CLVS1: variants seen among roughly 807,000 people sequenced by gnomAD.
The protein encoded by CLVS1 is clavesin 1, also known as clavesin-1.
In CLVS1, 10 loss-of-function variants were observed where a neutral mutation model predicts 33.1. The observed-to-expected ratio is 0.30, with a 90% CI of 0.19 to 0.51. The LOEUF is 0.51. Ranked by LOEUF, CLVS1 falls within the 20% of genes least tolerant of loss-of-function variation. CLVS1 has a pLI of 0.97. For synonymous variants in CLVS1, 163 were observed against 166.1 expected, an observed-to-expected ratio of 0.98 and a Z score of 0.14; for missense variants, 343 against 433.4, an observed-to-expected ratio of 0.79 and a Z score of 1.85.
chr8:61,175,742 C>A (rs1004560888), intron 2 of CLVS1, among the ~76,000 whole-genome samples: 1 of 152,134 alleles, frequency 6.6e-6, no homozygotes, highest in Non-Finnish European at 1.5e-5. Context: ...AAAGTATGAT[C>A]CCCTAGACCC....
At chr8:61,480,668 C>T (rs933734550) in intron 5 of CLVS1, among the ~76,000 whole-genome samples, 2 of 152,118 alleles carry the variant, frequency 1.3e-5, no homozygotes, top group Admixed American at 1.3e-4. Flanking sequence ...CCATCTTCTG[C>T]GTCGCTTCTG....
At chr8:61,084,577 C>A (rs7006365) in intron 1 of CLVS1, among the ~76,000 whole-genome samples, 72,234 of 152,058 alleles carry the variant, frequency 0.48, 19,235 homozygotes, top group African/African-American at 0.72. Flanking sequence ...AAAGGTCAAT[C>A]GTGCCAAGGT....
At chr8:61,130,171 G>A (rs1478132866) in intron 1 of CLVS1, among the ~76,000 whole-genome samples, 3 of 151,854 alleles carry the variant, frequency 2.0e-5, no homozygotes, top group Non-Finnish European at 4.4e-5. Flanking sequence ...CTGGGAGGTG[G>A]AGGTTGCAGT....
At chr8:61,242,946 C>G (rs1410867523) in intron 2 of CLVS1, among the ~76,000 whole-genome samples, 1 of 148,766 alleles carries the variant, frequency 6.7e-6, no homozygotes, top group African/African-American at 2.4e-5. Flanking sequence ...TAACACTAGT[C>G]TAGTTCATCT....
At chr8:61,355,458 C>T (rs1296604529) in intron 2 of CLVS1, among the ~76,000 whole-genome samples, 1 of 151,962 alleles carries the variant, frequency 6.6e-6, no homozygotes, top group African/African-American at 2.4e-5. Context: ...TACATGTGCA[C>T]AATGTGCAGG....
chr8:61,358,647 G>C (rs968939529), intron 2 of CLVS1, among the ~76,000 whole-genome samples: 1 of 152,164 alleles, frequency 6.6e-6, no homozygotes, highest in Admixed American at 6.5e-5. Flanking sequence ...TGGGAACAGA[G>C]GATTGAGAAC....
At chr8:61,434,501 G>C (rs1239671358) in intron 3 of CLVS1, among the ~76,000 whole-genome samples, 1 of 152,162 alleles carries the variant, frequency 6.6e-6, no homozygotes, top group East Asian at 1.9e-4. Flanking sequence ...TTGGGGTATA[G>C]CTTAGTTTTA....
chr8:61,303,429 A>G (rs1158519661), intron 2 of CLVS1, among the ~76,000 whole-genome samples: 1 of 152,204 alleles, frequency 6.6e-6, no homozygotes, highest in Admixed American at 6.5e-5. Context: ...CTAATGGCTC[A>G]TGAATGTGAA....
Position 61,058,691 on chromosome 8 carries a change from T to A in CLVS1, c.-243+1461T>A, listed in dbSNP as rs190986525. Among the ~76,000 whole-genome samples, 21 of 152,340 alleles carry A rather than the reference T, an allele frequency of 1.4e-4. No individual in the cohort carries two copies. The East Asian group carries it at 3.9e-3, about 28-fold the overall frequency. Reference sequence around the variant, plus strand: ...ACAGTTTTCTCGTGTACTATCCTGATCCCCTTTGCTTCTGTCTCTCCTTGC... The same window carrying A: ...ACAGTTTTCTCGTGTACTATCCTGAACCCCTTTGCTTCTGTCTCTCCTTGC... On this transcript the variant is annotated intron_variant, in intron 1 of 2. Transcript: ENST00000522621.
chr8:61,193,100 G>A (rs1375707195), intron 2 of CLVS1, among the ~76,000 whole-genome samples: 4 of 152,154 alleles, frequency 2.6e-5, no homozygotes, highest in Non-Finnish European at 5.9e-5. Flanking sequence ...ATTCACAATA[G>A]CAAAGACTTG....
chr8:61,131,892 C>G (rs1806105814), intron 2 of CLVS1: 1 of 152,178 alleles, frequency 6.6e-6, no homozygotes, highest in Non-Finnish European at 1.5e-5. Context: ...TTTTTGAAAA[C>G]TGCATAAACT....
At chr8:61,416,297 GCTAGCTAGATACATACATACATAC>G (rs1240231199) in intron 3 of CLVS1, among the ~76,000 whole-genome samples, 179 of 150,212 alleles carry the variant, frequency 1.2e-3, no homozygotes, top group African/African-American at 4.3e-3. Flanking sequence ...TAGCTAGCTA[GCTAGCTAGATACATACATACATAC>G]ATACATACAT....
chr8:61,184,101 T>A (rs763969964), intron 2 of CLVS1, among the ~76,000 whole-genome samples: 1 of 152,144 alleles, frequency 6.6e-6, no homozygotes, highest in South Asian at 2.1e-4. Flanking sequence ...CAGAACCTAC[T>A]TGACCCCTTT....
intron 2 of CLVS1, among the ~76,000 whole-genome samples, chr8:61,172,783 G>A (rs1182375773): frequency 1.6e-5 from 2 of 123,656 alleles, no homozygotes; most frequent in Admixed American, 1.6e-4. Context: ...CAGGGACCTA[G>A]TACTTTCCAT....
chr8:61,203,192 A>G, intron 2 of CLVS1: 1 of 1,113,034 alleles, frequency 9.0e-7, no homozygotes, highest in Non-Finnish European at 1.4e-6. Context: ...CCAAGAGGCT[A>G]TTCAAGATCT....
chr8:61,203,991 A>T (rs968998994), intron 2 of CLVS1, among the ~76,000 whole-genome samples: 1 of 152,220 alleles, frequency 6.6e-6, no homozygotes, highest in Non-Finnish European at 1.5e-5. Flanking sequence ...TCTTAAAATC[A>T]TCCTGCCATG....
At chr8:61,302,647 C>T (rs1442972827) in intron 2 of CLVS1, among the ~76,000 whole-genome samples, 1 of 152,172 alleles carries the variant, frequency 6.6e-6, no homozygotes, top group Non-Finnish European at 1.5e-5. Context: ...GGCACATTAA[C>T]ATTTTGGATT....
the CLVS1 span, among the ~76,000 whole-genome samples, chr8:61,004,696 TGGAGGAGCCGGCAGCAGGGCTGC>T: frequency 6.6e-6 from 1 of 152,112 alleles, no homozygotes; most frequent in African/African-American, 2.4e-5. Flanking sequence ...TGCGCGGGCC[TGGAGGAGCCGGCAGCAGGGCTGC>T]GGGGGAGCTG....
At chr8:61,451,249 G>A (rs979161524) in intron 3 of CLVS1, among the ~76,000 whole-genome samples, 8 of 151,442 alleles carry the variant, frequency 5.3e-5, no homozygotes, top group African/African-American at 1.7e-4. Context: ...TGTGTCTTTG[G>A]CAGTAGGATT....
Sources: gnomAD v4.1 joint callset for allele counts (sites outside exome capture counted in the v4.1 genomes callset) on GRCh38, gnomAD v4.1.1 for gene constraint, MANE v1.5 for transcripts, NCBI Gene and HGNC (gene_info 2026-07-23, HGNC 2026-07-21) for gene names.